SRRD: variants seen among roughly 807,000 people sequenced by gnomAD.
SRRD encodes SRR1-like protein.
Under a neutral mutation model 30.7 loss-of-function variants are expected in SRRD, and 28 were observed. The ratio of observed to expected loss-of-function variants is 0.91; its 90% CI spans 0.68 to 1.25. SRRD has a LOEUF of 1.25. SRRD is among the 50% of genes most tolerant of loss of function. SRRD has a pLI of 0.00. For synonymous variants in SRRD, 161 were observed against 159.6 expected (o/e 1.01, Z -0.07); for missense variants, 415 against 417.3 (o/e 0.99, Z 0.05).
rs746589610 is a variant in SRRD, at chr22:26,491,471, A to G, written c.819A>G (p.Lys273=). 1.4e-5 allele frequency: 22 copies of G among 1,609,652 alleles called. No individual in the cohort carries two copies. Among genetic ancestry groups the G allele is most frequent in the Non-Finnish European group, 1.7e-5 (20 of 1,178,648 alleles). The change falls in exon 7 of 7, where the codon AAA becomes AAG. Residue 273 remains lysine (K), a synonymous_variant. Transcript: ENST00000215917. ...TGAATTTTTCTGCTCAGATTTTAAA[A>G]GGACTGGAGGAGCTTGAGTTTCCTC... ...KNYPYIAKIL[K]GLEELEFPQT...
At chr22:26,491,114 A>T in intron 6 of SRRD, 44 bp downstream of exon 6, 1 of 1,577,968 alleles carries the variant, frequency 6.3e-7, no homozygotes, top group South Asian at 1.1e-5. Context: ...AGGGTGTGAA[A>T]CTGTGAAGAA....
chr22:26,489,908 C>G (rs1158783327), intron 4 of SRRD, 136 bp from the exon 5 acceptor site: 5 of 881,836 alleles, frequency 5.7e-6, no homozygotes, highest in Non-Finnish European at 8.8e-6. Flanking sequence ...ACGAGTGTAA[C>G]TGTTCCACAA....
chr22:26,488,538 C>G (rs752296464), intron 4 of SRRD, 50 bp downstream of exon 4: 73 of 1,414,438 alleles, frequency 5.2e-5, no homozygotes, highest in Non-Finnish European at 7.3e-5. Context: ...CCTGACCAGA[C>G]TCACCCCAGG....
intron 5 of SRRD, 70 bp downstream of exon 5, chr22:26,490,268 C>A: frequency 6.5e-7 from 1 of 1,550,084 alleles, no homozygotes; most frequent in Non-Finnish European, 8.8e-7. Flanking sequence ...GACCCACATG[C>A]AGAAAACATT....
At position 26,489,488 on chromosome 22, in the gene SRRD, C is replaced by T. The variant is rs1324974137; in HGVS notation, c.610-556C>T. 4.6e-5 allele frequency among the ~76,000 whole-genome samples: 7 copies of T among 151,926 alleles called. No homozygotes were observed. In the South Asian group the frequency reaches 1.5e-3, roughly 32 times the overall value. On this transcript the variant is annotated intron_variant, in intron 4 of 6. Transcript: ENST00000215917. ...GTGCAGTGCTGGCTGTTCAGGAAAC[C>T]ACTGCCAGTTTGTTATTAACACAAG...
chr22:26,484,509 G>A (rs1053792885), intron 1 of SRRD, among the ~76,000 whole-genome samples: 1 of 152,196 alleles, frequency 6.6e-6, no homozygotes, highest in Admixed American at 6.5e-5. Context: ...GTGACACGAG[G>A]GAAGCAACAT....
intron 2 of SRRD, 124 bp downstream of exon 2, chr22:26,486,187 CTGTA>C (rs1273264399): frequency 8.7e-6 from 9 of 1,034,982 alleles, no homozygotes; most frequent in Non-Finnish European, 1.3e-5. Flanking sequence ...CCCCTTACAG[CTGTA>C]TGTCTTTTGG....
At chr22:26,486,835 T>C (rs2091711912) in intron 2 of SRRD, among the ~76,000 whole-genome samples, 1 of 152,174 alleles carries the variant, frequency 6.6e-6, no homozygotes, top group African/African-American at 2.4e-5. Context: ...CAGAAAATTT[T>C]CACCAATTCT....
In SRRD at chr22:26,483,946, A is replaced by G; in HGVS notation, c.56A>G (p.Lys19Arg). The change falls in exon 1 of 7, where the codon AAG (lysine) becomes AGG (arginine). Residue 19 changes from lysine (K) to arginine (R), a missense_variant. Transcript: ENST00000215917. ...TCCTGGCAGGCGGCGGCTCCGCGGA[A>G]GAGGCGCTCCGCGGCTCGACGGCCG... ...LESWQAAAPRKRRSAARRPRR... is the reference protein window; with the variant it reads ...LESWQAAAPRRRRSAARRPRR... The G allele has an allele frequency of 1.5e-6, 2 of 1,358,050 alleles. No homozygotes were observed. Among genetic ancestry groups the G allele is most frequent in the African/African-American group, 1.5e-5 (1 of 64,792 alleles). 84.1% of individuals were successfully genotyped at this position (1,358,050 alleles called of 1,614,324 possible).
At chr22:26,484,401 C>G (rs534815697) in intron 1 of SRRD, among the ~76,000 whole-genome samples, 3 of 152,070 alleles carry the variant, frequency 2.0e-5, no homozygotes, top group Admixed American at 2.0e-4. Context: ...TTTGAGGATT[C>G]AATGAATTAG....
chr22:26,489,986 C>T (rs935110066), intron 4 of SRRD, 58 bp from the exon 5 acceptor site: 1 of 1,590,194 alleles, frequency 6.3e-7, no homozygotes, highest in Non-Finnish European at 8.6e-7. Context: ...CTCTCCCTCA[C>T]CTTGCTGTAA....
chr22:26,491,273 T>C (rs1201999750), intron 6 of SRRD, 190 bp from the exon 7 acceptor site: 1 of 717,460 alleles, frequency 1.4e-6, no homozygotes, highest in East Asian at 2.7e-5. Flanking sequence ...ATTCTTAGTA[T>C]CACAGTCCAT....
At chr22:26,490,265 A>G (rs1227765911) in intron 5 of SRRD, 67 bp downstream of exon 5, 3 of 1,562,662 alleles carry the variant, frequency 1.9e-6, no homozygotes, top group Non-Finnish European at 2.6e-6. Flanking sequence ...ATTGACCCAC[A>G]TGCAGAAAAC....
chr22:26,492,378 A>G lies in SRRD; in HGVS notation c.*706A>G, dbSNP rs781746152. On this transcript the variant is annotated 3_prime_UTR_variant, in exon 7 of 7. Transcript: ENST00000215917. ...GGCTGCATGTAGGCACCTAAGATAC[A>G]GGAGGACAGGGCGGTGAGGAGAGGT... 1 of 1,613,274 alleles carries G rather than the reference A, an allele frequency of 6.2e-7. No homozygotes were observed. The highest frequency in any genetic ancestry group is 8.5e-7 in the Non-Finnish European group (1 of 1,179,276).
rs1884807506 is a variant in SRRD, at chr22:26,494,480, G to A, written c.*2808G>A. 1 of 800,488 alleles carries A rather than the reference G, an allele frequency of 1.2e-6. No individual in the cohort carries two copies. The highest frequency in any genetic ancestry group is 2.0e-6 in the Non-Finnish European group (1 of 507,760). The allele number at this position is 800,488 out of a possible 1,614,324, so 49.6% of individuals were successfully genotyped here. The stretch of plus-strand genomic sequence containing the variant: ...TGAATATGGATTTTGGAGTCAGCCT[G>A]GTAGCTAAAGTGCCCTTGCATGTAA... On this transcript the variant is annotated 3_prime_UTR_variant, in exon 7 of 7. Transcript: ENST00000215917.
rs773395758 is a variant in SRRD at position 26,492,296 on chromosome 22, TG to T, written c.*626del. 2.5e-6 allele frequency: 4 copies of T among 1,614,100 alleles called. No individual in the cohort carries two copies. The highest frequency in any genetic ancestry group is 3.4e-6 in the Non-Finnish European group (4 of 1,180,038). On this transcript the variant is annotated 3_prime_UTR_variant, in exon 7 of 7. Transcript: ENST00000215917. ...CCGCCTCTCCTGCATGGCCTCGTAC[TG>T]GAAGTCCTTCCTCCGCTCCGTGTGG...
rs368944593 is a variant in SRRD at position 26,488,245 on chromosome 22, G to A, written c.467G>A (p.Arg156Lys). ...AACTTTGCCACCTGCATCGTAGCTA[G>A]AAACCAGCTAACGTTTTTGCTGCTT... ...IGNFATCIVA[R>K]NQLTFLLLLL... Residue 156 changes from arginine to lysine, a missense_variant, in exon 3 of 7, where the codon AGA becomes AAA. Arg to Lys is a conservative substitution (Grantham distance 26). Coordinates refer to ENST00000215917, the MANE Select transcript of SRRD (RefSeq NM_001013694.3). The A allele has an allele frequency of 1.2e-5, 20 of 1,614,062 alleles. No homozygotes were observed. The African/African-American group carries it at 1.7e-4, about 14-fold the overall frequency.
Position 26,490,095 on chromosome 22 carries a change from T to C in SRRD, c.661T>C (p.Cys221Arg). The C allele has an allele frequency of 6.2e-7, 1 of 1,614,108 alleles. No individual in the cohort carries two copies. Among genetic ancestry groups the C allele is most frequent in the Middle Eastern group, 1.6e-4 (1 of 6,062 alleles). ...GCCTACCATCTTTTACATGCTCCATTGTGGGACGGCCTTGTACAACAATCT... is the reference window on the plus strand; with the variant it reads ...GCCTACCATCTTTTACATGCTCCATCGTGGGACGGCCTTGTACAACAATCT... The part of the protein sequence containing the change: ...GEPTIFYMLH[C>R]GTALYNNLLW... The change falls in exon 5 of 7, where the codon TGT (cysteine) becomes CGT (arginine). Residue 221 changes from cysteine (C) to arginine (R), a missense_variant. Cys to Arg is a radical substitution (Grantham distance 180, BLOSUM62 -3). Coordinates refer to ENST00000215917, the MANE Select transcript of SRRD (RefSeq NM_001013694.3).
chr22:26,493,021 G>A lies in SRRD; in HGVS notation c.*1349G>A, dbSNP rs546338227. Reference sequence around the variant, plus strand: ...CTTAATCTCTGTTTTCACAGAATAGGCTATTTTTCTTTTTTTTTTTTTGAG... The same window carrying A: ...CTTAATCTCTGTTTTCACAGAATAGACTATTTTTCTTTTTTTTTTTTTGAG... On this transcript the variant is annotated 3_prime_UTR_variant, in exon 7 of 7. Transcript: ENST00000215917. The A allele has an allele frequency of 6.6e-6, 1 of 151,990 alleles. No individual in the cohort carries two copies. Among genetic ancestry groups the A allele is most frequent in the Non-Finnish European group, 1.5e-5 (1 of 68,108 alleles). The allele number at this position is 151,990 out of a possible 1,614,324, so 9.4% of individuals were successfully genotyped here.
Sources: allele counts gnomAD v4.1 joint callset (sites outside exome capture counted in the v4.1 genomes callset), GRCh38; gene constraint gnomAD v4.1.1; transcripts MANE v1.5; gene names NCBI Gene and HGNC (gene_info 2026-07-23, HGNC 2026-07-21).